PARP14: variants seen among roughly 807,000 people sequenced by gnomAD.
The protein encoded by PARP14 is poly(ADP-ribose) polymerase family member 14.
In PARP14, 59 loss-of-function variants were observed where a neutral mutation model predicts 154.2. The observed-to-expected ratio is 0.38, with a 90% CI of 0.31 to 0.48. The LOEUF is 0.48. Among genes scored for constraint, PARP14 ranks in the 20% least tolerant of loss-of-function variants. PARP14 has a pLI of 0.98. For synonymous variants in PARP14, 720 were observed against 780.5 expected, an observed-to-expected ratio of 0.92 and a Z score of 1.29; for missense variants, 1,734 against 2,131.6, an observed-to-expected ratio of 0.81 and a Z score of 3.67.
At chr3:122,695,303 T>C (rs1265308593) in intron 4 of PARP14, 123 bp from the exon 5 acceptor site, 4 of 606,830 alleles carry the variant, frequency 6.6e-6, no homozygotes, top group Non-Finnish European at 1.2e-5. Flanking sequence ...AAATCTTGTG[T>C]CTAAAAATGG....
At position 122,703,823 on chromosome 3, in the gene PARP14, G is replaced by A. The variant is rs766582192; in HGVS notation, c.3163G>A (p.Gly1055Arg). ...PLSKSLLEKA[G>R]PELQEELDTV... Reference sequence around the variant, plus strand: ...TTCTAAGTCCCTCTTGGAAAAAGCTGGACCAGAGCTCCAGGAGGAATTGGA... The same window carrying A: ...TTCTAAGTCCCTCTTGGAAAAAGCTAGACCAGAGCTCCAGGAGGAATTGGA... The change falls in exon 7 of 17, where the codon GGA (glycine) becomes AGA (arginine). Residue 1055 changes from glycine to arginine, a missense_variant. This residue lies in a region of PARP14 where 1,646 missense variants were observed against 1,976.0 expected (regional missense o/e 0.83). Transcript: ENST00000474629. 1 of 1,613,932 alleles carries A rather than the reference G, an allele frequency of 6.2e-7. No homozygotes were observed. The highest frequency in any genetic ancestry group is 8.5e-7 in the Non-Finnish European group (1 of 1,179,844).
At chr3:122,704,252 G>T (rs1312326668) in intron 7 of PARP14, among the ~76,000 whole-genome samples, 3 of 152,222 alleles carry the variant, frequency 2.0e-5, no homozygotes, top group African/African-American at 7.2e-5. Context: ...AGTGAAGAAA[G>T]CCAGAGGAGG....
chr3:122,722,027 A>G lies in PARP14; in HGVS notation c.4941+1639A>G, dbSNP rs1933177323. ...CCCTGAGCTTCCTAGTAGACAAAGC[A>G]AGAAGTAAACATTCAGGTACAAGAC... On this transcript the variant is annotated intron_variant, in intron 15 of 16. Transcript: ENST00000474629. 2.0e-5 allele frequency: 3 copies of G among 152,256 alleles called. No individual in the cohort carries two copies. The South Asian group carries it at 6.2e-4, about 31-fold the overall frequency. The allele number at this position is 152,256 out of a possible 1,614,324, so 9.4% of individuals were successfully genotyped here. A position where few individuals can be genotyped will look rare whatever the true frequency, so the allele number is the denominator to read the frequency against.
chr3:122,708,371 A>G (rs555203038), intron 9 of PARP14, 103 bp downstream of exon 9: 7 of 650,216 alleles, frequency 1.1e-5, no homozygotes, highest in East Asian at 2.7e-5. Flanking sequence ...AAAAAAATCA[A>G]TGAGTGACAA....
At chr3:122,690,070 GCCAGC>G (rs1938492036) in intron 3 of PARP14, among the ~76,000 whole-genome samples, 1 of 152,060 alleles carries the variant, frequency 6.6e-6, no homozygotes, top group South Asian at 2.1e-4. Flanking sequence ...GTCTTTCCAT[GCCAGC>G]CCAGCCCTTT....
chr3:122,721,176 G>A, intron 15 of PARP14: 1 of 290,414 alleles, frequency 3.4e-6, no homozygotes. Flanking sequence ...CCTCACCAGG[G>A]AATATATTTA....
rs1560089699 is a variant in PARP14 at position 122,728,646 on chromosome 3, G to C, written c.*49G>C. 12 of 1,422,066 alleles carry C rather than the reference G, an allele frequency of 8.4e-6. No individual in the cohort carries two copies. Among genetic ancestry groups the C allele is most frequent in the Non-Finnish European group, 6.7e-6 (7 of 1,038,080 alleles). The allele number at this position is 1,422,066 out of a possible 1,614,324, so 88.1% of individuals were successfully genotyped here. The stretch of plus-strand genomic sequence containing the variant: ...ATTATTCTCCATTTGTACATATCTA[G>C]TTGTAAAACAAGTTTTAGCTTTTTT... On this transcript the variant is annotated 3_prime_UTR_variant, in exon 17 of 17. Coordinates refer to ENST00000474629, the MANE Select transcript of PARP14 (RefSeq NM_017554.3).
intron 15 of PARP14, chr3:122,722,771 CCTGT>C (rs1266784088): frequency 1.3e-5 from 2 of 152,218 alleles, no homozygotes; most frequent in South Asian, 2.1e-4. Context: ...GCTTTCTCTC[CCTGT>C]CTGTTTTTGC....
Position 122,721,001 on chromosome 3 carries a change from CTG to C in PARP14, c.4941+615_4941+616del, listed in dbSNP as rs562373790. On this transcript the variant is annotated intron_variant, in intron 15 of 16. Transcript: ENST00000474629. ...CCATTTTTAAACATTTTTGATATTG[CTG>C]TTTGAAATTATATTTTCCTTGACTT... The C allele has an allele frequency of 5.1e-4, 164 of 319,876 alleles. 1 individual carries two copies. The highest frequency in any genetic ancestry group is 3.5e-3 in the African/African-American group (155 of 44,212). The allele number at this position is 319,876 out of a possible 1,614,324, so 19.8% of individuals were successfully genotyped here. A position where few individuals can be genotyped will look rare whatever the true frequency, so the allele number is the denominator to read the frequency against.
At chr3:122,683,910 C>G (rs1417844193) in intron 1 of PARP14, among the ~76,000 whole-genome samples, 1 of 152,172 alleles carries the variant, frequency 6.6e-6, no homozygotes, top group African/African-American at 2.4e-5. Flanking sequence ...AGCTTGTTGT[C>G]AGGCTGCAGG....
At chr3:122,703,055 C>T (rs1466989272) in intron 6 of PARP14, among the ~76,000 whole-genome samples, 2 of 151,248 alleles carry the variant, frequency 1.3e-5, no homozygotes, top group Non-Finnish European at 2.9e-5. Flanking sequence ...AGTTTGCTTT[C>T]CTTTCACTCC....
intron 9 of PARP14, among the ~76,000 whole-genome samples, chr3:122,711,367 C>A (rs1338406383): frequency 6.6e-6 from 1 of 152,064 alleles, no homozygotes; most frequent in Admixed American, 6.5e-5. Flanking sequence ...GTTTTTAATT[C>A]AGTTTATGTG....
chr3:122,729,979 T>TA lies in PARP14; in HGVS notation c.*1382_*1383insA, dbSNP rs1408530168. The TA allele has an allele frequency of 6.6e-6, 1 of 152,216 alleles. No individual in the cohort carries two copies. Among genetic ancestry groups the TA allele is most frequent in the Non-Finnish European group, 1.5e-5 (1 of 68,044 alleles). 9.4% of individuals were successfully genotyped at this position (152,216 alleles called of 1,614,324 possible). ...CTATTGAATGGTGAAGTTTTAAAAA[T>TA]TTCCCCAGGTAAGTTTAAGATTCAA... On this transcript the variant is annotated 3_prime_UTR_variant, in exon 17 of 17. Coordinates refer to ENST00000474629, the MANE Select transcript of PARP14 (RefSeq NM_017554.3).
chr3:122,686,208 CA>C (rs1938368193), intron 2 of PARP14, among the ~76,000 whole-genome samples: 1 of 151,942 alleles, frequency 6.6e-6, no homozygotes, highest in Non-Finnish European at 1.5e-5. Flanking sequence ...GGCTGGAGTG[CA>C]GTGGCATGAT....
Position 122,703,934 on chromosome 3 carries a change from G to T in PARP14, c.3274G>T (p.Val1092Leu), listed in dbSNP as rs1365442584. Reference protein sequence around the residue: ...WNLDCRYVLHVVAPEWRNGST... With the variant: ...WNLDCRYVLHLVAPEWRNGST... ...TCTGGACTGTCGCTATGTGCTTCACGTGGTAGCTCCGGAGTGGAGAAATGG... is the reference window on the plus strand; with the variant it reads ...TCTGGACTGTCGCTATGTGCTTCACTTGGTAGCTCCGGAGTGGAGAAATGG... Residue 1092 changes from valine to leucine, a missense_variant, in exon 7 of 17, where the codon GTG (valine) becomes TTG (leucine). By Grantham distance (32) the Val-to-Leu change is conservative. Transcript: ENST00000474629. 6.2e-7 allele frequency: 1 copy of T among 1,613,846 alleles called. No homozygotes were observed. The highest frequency in any genetic ancestry group is 1.7e-5 in the Admixed American group (1 of 59,998).
chr3:122,698,063 T>A (rs1938835344), intron 5 of PARP14, among the ~76,000 whole-genome samples: 1 of 152,216 alleles, frequency 6.6e-6, no homozygotes, highest in Non-Finnish European at 1.5e-5. Flanking sequence ...GCAAAGAGCC[T>A]GGTGCCTGAT....
At chr3:122,682,337 T>A (rs1380302372) in intron 1 of PARP14, among the ~76,000 whole-genome samples, 1 of 152,098 alleles carries the variant, frequency 6.6e-6, no homozygotes, top group Non-Finnish European at 1.5e-5. Flanking sequence ...TCCTTAGAAG[T>A]AGGTCTGACC....
chr3:122,726,124 C>T (rs911329730), intron 15 of PARP14, among the ~76,000 whole-genome samples: 26 of 152,096 alleles, frequency 1.7e-4, no homozygotes, highest in Non-Finnish European at 1.8e-4. Flanking sequence ...ATTTGAAACC[C>T]GATGAAACAT....
At position 122,714,386 on chromosome 3, in the gene PARP14, A is replaced by G; in HGVS notation, c.3957A>G (p.Glu1319=). 6.3e-7 allele frequency: 1 copy of G among 1,581,554 alleles called. No homozygotes were observed. Among genetic ancestry groups the G allele is most frequent in the Non-Finnish European group, 8.6e-7 (1 of 1,169,538 alleles). Residue 1319 remains glutamate (E), a synonymous_variant, in exon 12 of 17, where the codon GAA becomes GAG. Transcript: ENST00000474629. ...SSVSSVLQEC[E]KKNYSSICLP... is the part of the protein sequence containing the mutation. ...TTTCCTCTGTTTTGCAGGAGTGTGA[A>G]AAAAAAAATTACTCATCCATTTGCC... is the stretch of plus-strand genomic sequence containing the variant.
Sources: allele counts gnomAD v4.1 joint callset (sites outside exome capture counted in the v4.1 genomes callset), GRCh38; gene constraint gnomAD v4.1.1; regional missense constraint gnomAD v4.1.1; transcripts MANE v1.5; gene names NCBI Gene and HGNC (gene_info 2026-07-23, HGNC 2026-07-21).